The following RYR2 variants were observed in gnomAD, a reference collection of about 807,000 sequenced individuals.
The protein encoded by RYR2 is ryanodine receptor 2.
A neutral mutation model predicts 601.1 loss-of-function variants in RYR2; 227 were observed. That is an observed-to-expected ratio of 0.38 (90% CI 0.34 to 0.42). The LOEUF (loss-of-function observed/expected upper bound fraction) is 0.42. RYR2 is among the 10% of genes least tolerant of loss of function. The pLI, the probability that RYR2 is intolerant of heterozygous loss-of-function variation, is 1.00. For missense variants in RYR2, 4,646 were observed against 6,156.5 expected, an observed-to-expected ratio of 0.75 and a Z score of 8.21; for synonymous variants, 2,223 against 2,175.1, an observed-to-expected ratio of 1.02 and a Z score of -0.61.
chr1:237,058,101 C>A (rs1662392764), intron 1 of RYR2, among the ~76,000 whole-genome samples: 1 of 152,118 alleles, frequency 6.6e-6, no homozygotes, highest in Admixed American at 6.5e-5. Context: ...GCTGATATTG[C>A]TGGCGGGTTT....
chr1:237,550,358 C>T (rs1216391698), intron 26 of RYR2, among the ~76,000 whole-genome samples, 186 bp from the exon 27 acceptor site: 1 of 152,102 alleles, frequency 6.6e-6, no homozygotes, highest in African/African-American at 2.4e-5. Flanking sequence ...CATAGATGCG[C>T]TTATTCATTT....
chr1:237,475,242 C>G (rs577386936), intron 17 of RYR2, among the ~76,000 whole-genome samples: 6 of 152,114 alleles, frequency 3.9e-5, no homozygotes, highest in Non-Finnish European at 8.8e-5. Flanking sequence ...CTTAATCACC[C>G]CACTGTGTTC....
rs80303767 is a variant in RYR2, at chr1:237,506,098, T to C, written c.2614-612T>C. On this transcript the variant is annotated intron_variant, in intron 22 of 104. Coordinates refer to ENST00000366574, the MANE Select transcript of RYR2 (RefSeq NM_001035.3). ...TTGGGGATGATTTCTCATTTTAAAT[T>C]ATACATTCCTTGGTAGTAGCCCCAT... Among the ~76,000 whole-genome samples, 1,515 of 152,046 alleles carry C rather than the reference T, an allele frequency of 1.0e-2. 29 individuals are homozygous for C. The highest frequency in any genetic ancestry group is 0.033 in the African/African-American group (1,349 of 41,472).
chr1:237,727,337 A>G, intron 76 of RYR2, 138 bp downstream of exon 76: 1 of 427,524 alleles, frequency 2.3e-6, no homozygotes, highest in Admixed American at 4.2e-5. Flanking sequence ...TCTACATAAA[A>G]CTTGACTAAT....
At chr1:237,635,930 C>T (rs1195773049) in intron 44 of RYR2, among the ~76,000 whole-genome samples, 1 of 152,144 alleles carries the variant, frequency 6.6e-6, no homozygotes, top group African/African-American at 2.4e-5. Context: ...AAGATACCAT[C>T]GTGGCTCTTT....
intron 1 of RYR2, among the ~76,000 whole-genome samples, chr1:237,118,736 TGG>T: frequency 6.6e-6 from 1 of 152,240 alleles, no homozygotes; most frequent in African/African-American, 2.4e-5. Context: ...CCCGAGTAGC[TGG>T]GACTACAGGC....
chr1:237,511,922 T>C, intron 24 of RYR2, 131 bp downstream of exon 24: 1 of 595,768 alleles, frequency 1.7e-6, no homozygotes, highest in South Asian at 2.5e-5. Context: ...CTAGAACTTT[T>C]TATAATGCAT....
intron 5 of RYR2, 59 bp from the exon 6 acceptor site, chr1:237,369,475 G>C: frequency 7.2e-7 from 1 of 1,389,964 alleles, no homozygotes; most frequent in Non-Finnish European, 1.0e-6. Context: ...TATCAACTTG[G>C]TTAAGTTACT....
chr1:237,438,558 A>G (rs997161105), intron 12 of RYR2, among the ~76,000 whole-genome samples: 4 of 152,226 alleles, frequency 2.6e-5, no homozygotes, highest in Non-Finnish European at 5.9e-5. Context: ...ATCTGTTGCC[A>G]TTATACTGGA....
intron 16 of RYR2, among the ~76,000 whole-genome samples, chr1:237,466,523 G>T (rs1440139466): frequency 5.3e-5 from 8 of 151,910 alleles, no homozygotes; most frequent in Non-Finnish European, 2.9e-5. Flanking sequence ...TAAAGTAGTA[G>T]TTGGTAGTTA....
chr1:237,536,178 C>T (rs886775168), intron 25 of RYR2, among the ~76,000 whole-genome samples: 4 of 152,150 alleles, frequency 2.6e-5, no homozygotes, highest in South Asian at 2.1e-4. Flanking sequence ...AATAATAGGA[C>T]GCTTGACCAT....
At chr1:237,045,869 GTTTTTTT>G (rs768636054) in intron 1 of RYR2, among the ~76,000 whole-genome samples, 27 of 56,924 alleles carry the variant, frequency 4.7e-4, no homozygotes, top group African/African-American at 2.0e-3. Context: ...CTTGGTCAAG[GTTTTTTT>G]TTTTTTTTTT....
intron 17 of RYR2, among the ~76,000 whole-genome samples, chr1:237,469,931 T>C (rs1239053320): frequency 2.0e-5 from 3 of 152,196 alleles, no homozygotes; most frequent in African/African-American, 7.2e-5. Context: ...ATCAGTGATT[T>C]TGGACTTACC....
intron 20 of RYR2, 49 bp downstream of exon 20, chr1:237,496,801 G>A: frequency 6.4e-7 from 1 of 1,569,700 alleles, no homozygotes. Context: ...ATCTTTTGCT[G>A]GGCATTTCTG....
At chr1:237,598,652 C>G (rs1030030763) in intron 34 of RYR2, among the ~76,000 whole-genome samples, 2 of 152,116 alleles carry the variant, frequency 1.3e-5, no homozygotes, top group Non-Finnish European at 2.9e-5. Flanking sequence ...CTATGGGATA[C>G]AGCAGAGGCA....
At chr1:237,424,814 A>G (rs865803906) in intron 12 of RYR2, among the ~76,000 whole-genome samples, 1 of 152,208 alleles carries the variant, frequency 6.6e-6, no homozygotes, top group African/African-American at 2.4e-5. Flanking sequence ...GATTGGCAGC[A>G]TAAACATAAA....
intron 1 of RYR2, among the ~76,000 whole-genome samples, chr1:237,087,082 CAGG>C (rs1666424111): frequency 6.6e-6 from 1 of 152,310 alleles, no homozygotes; most frequent in South Asian, 2.1e-4. Flanking sequence ...AAGTGAAAGG[CAGG>C]AGGACCCCTT....
chr1:237,239,435 G>C (rs1685921987), intron 1 of RYR2, among the ~76,000 whole-genome samples: 1 of 152,158 alleles, frequency 6.6e-6, no homozygotes, highest in African/African-American at 2.4e-5. Context: ...TTTTCACAGA[G>C]CCTAAAAGAT....
rs1405940230 is a variant in RYR2, at chr1:237,282,274, T to A, written c.168+11658T>A. Among the ~76,000 whole-genome samples, 3 of 151,764 alleles carry A rather than the reference T, an allele frequency of 2.0e-5. No individual in the cohort carries two copies. In the East Asian group the frequency reaches 5.8e-4, roughly 29 times the overall value. On this transcript the variant is annotated intron_variant, in intron 2 of 104. Transcript: ENST00000366574. ...TTTCTATTCAGCTTGGACATTGCAG[T>A]GTGAAAGTGGCCGTGGACCATATGT...
Sources: allele counts gnomAD v4.1 joint callset (sites outside exome capture counted in the v4.1 genomes callset), GRCh38; gene constraint gnomAD v4.1.1; transcripts MANE v1.5; gene names NCBI Gene and HGNC (gene_info 2026-07-23, HGNC 2026-07-21).